The following PIK3R3 variants were observed in gnomAD, a reference collection of about 807,000 sequenced individuals.
PIK3R3 encodes the protein phosphatidylinositol 3-kinase regulatory subunit gamma.
In PIK3R3, 64 loss-of-function variants were observed where a neutral mutation model predicts 62.9. That is an observed-to-expected ratio of 1.02 (90% CI 0.83 to 1.25). The LOEUF is 1.25. Among genes scored for constraint, PIK3R3 ranks in the 50% most tolerant of loss-of-function variants. The pLI is 0.00. For missense variants in PIK3R3, 614 were observed against 561.6 expected (o/e 1.09, Z -0.94); for synonymous variants, 165 against 189.0 (o/e 0.87, Z 1.04).
At chr1:46,157,190 G>C in the PIK3R3 span, among the ~76,000 whole-genome samples, 1 of 152,192 alleles carries the variant, frequency 6.6e-6, no homozygotes. Flanking sequence ...CTGGAGTGCA[G>C]TGGTGTAACC....
intron 5 of PIK3R3, among the ~76,000 whole-genome samples, chr1:46,063,062 T>TACA (rs1398467532): frequency 2.0e-5 from 3 of 152,204 alleles, no homozygotes; most frequent in Non-Finnish European, 4.4e-5. Context: ...ACTCAGAATA[T>TACA]ACAGGTGGAA....
rs115042926 is a variant in PIK3R3 at position 46,113,722 on chromosome 1, A to G, written c.106+18125T>C. On this transcript the variant is annotated intron_variant, in intron 1 of 9. Transcript: ENST00000262741. ...CCCTATTTCATTTATATATTCTTCT[A>G]TTGCTATACTTTGACATTCATTCAA... Among the ~76,000 whole-genome samples, 917 of 152,298 alleles carry G rather than the reference A, an allele frequency of 6.0e-3. 8 individuals are homozygous for G. The highest frequency in any genetic ancestry group is 9.8e-3 in the Non-Finnish European group (665 of 68,018).
At chr1:46,158,958 G>T in the PIK3R3 span, among the ~76,000 whole-genome samples, 1 of 152,018 alleles carries the variant, frequency 6.6e-6, no homozygotes, top group Non-Finnish European at 1.5e-5. Flanking sequence ...GTGGTGGCGC[G>T]TGCCTGCTAT....
At chr1:46,059,592 A>T (rs1228528674) in intron 6 of PIK3R3, among the ~76,000 whole-genome samples, 1 of 151,976 alleles carries the variant, frequency 6.6e-6, no homozygotes, top group Non-Finnish European at 1.5e-5. Context: ...AGCGGGGAGG[A>T]TTGCTTGAGT....
At chr1:46,109,771 C>T (rs1202958683) in intron 1 of PIK3R3, among the ~76,000 whole-genome samples, 1 of 152,174 alleles carries the variant, frequency 6.6e-6, no homozygotes, top group African/African-American at 2.4e-5. Context: ...CGTGAGCTAC[C>T]ACGCCCGACC....
Position 46,072,694 on chromosome 1 carries a change from T to TA in PIK3R3, c.314+4820dup, listed in dbSNP as rs1231086351. Among the ~76,000 whole-genome samples the TA allele has an allele frequency of 1.6e-4, 24 of 152,308 alleles. 1 individual carries two copies. The highest frequency in any genetic ancestry group is 5.8e-4 in the African/African-American group (24 of 41,572). ...AGCTGGGCATGGTGGCTCATGCCTG[T>TA]AATCCCAGGACTGGGGAGGCCAAGG... On this transcript the variant is annotated intron_variant, in intron 3 of 9. Transcript: ENST00000262741.
At chr1:46,045,617 CTTTTTTTTTT>C (rs1031388121) in intron 9 of PIK3R3, among the ~76,000 whole-genome samples, 17 of 21,212 alleles carry the variant, frequency 8.0e-4, no homozygotes, top group South Asian at 1.7e-3. Context: ...CAATTAAGTG[CTTTTTTTTTT>C]TTTTTTTTTT....
chr1:46,132,376 C>T lies in PIK3R3; in HGVS notation c.-424G>A, dbSNP rs1655692280. The stretch of plus-strand genomic sequence containing the variant: ...AAAAAAGAACACGTTGGGAGAAACC[C>T]GGGCAAGTGACAAAGGAAGGCAAAA... On this transcript the variant is annotated 5_prime_UTR_variant, in exon 1 of 10. Coordinates refer to ENST00000262741, the MANE Select transcript of PIK3R3 (RefSeq NM_003629.4). 5.0e-5 allele frequency: 56 copies of T among 1,119,548 alleles called. No individual in the cohort carries two copies. The highest frequency in any genetic ancestry group is 5.8e-5 in the Non-Finnish European group (53 of 907,198). 69.4% of individuals were successfully genotyped at this position (1,119,548 alleles called of 1,614,324 possible).
At chr1:46,167,554 T>A in the PIK3R3 span, among the ~76,000 whole-genome samples, 13 of 151,942 alleles carry the variant, frequency 8.6e-5, no homozygotes, top group African/African-American at 3.1e-4. Context: ...AGCCTGGAGG[T>A]GGTGAGTATA....
intron 6 of PIK3R3, 146 bp downstream of exon 6, chr1:46,061,783 A>T: frequency 1.3e-6 from 1 of 745,694 alleles, no homozygotes; most frequent in Non-Finnish European, 2.3e-6. Flanking sequence ...AGGAAGTTCA[A>T]TTTGGTGCCA....
chr1:46,131,840 C>G lies in PIK3R3; in HGVS notation c.106+7G>C. The G allele has an allele frequency of 1.2e-6, 2 of 1,610,406 alleles. No individual in the cohort carries two copies. Among genetic ancestry groups the G allele is most frequent in the Non-Finnish European group, 1.7e-6 (2 of 1,177,526 alleles). On this transcript the variant is annotated splice_region_variant and intron_variant, in intron 1 of 9. Transcript: ENST00000262741. ...CACGAGATTCTTTTTTTTTTTCTCC[C>G]AAGTACCTGGAGGATCCATTTCAAT...
intron 1 of PIK3R3, among the ~76,000 whole-genome samples, chr1:46,123,530 A>G (rs1654850813): frequency 6.6e-6 from 1 of 152,242 alleles, no homozygotes; most frequent in Non-Finnish European, 1.5e-5. Flanking sequence ...ATTATTTTTG[A>G]AAAGAACAGT....
chr1:46,144,550 G>A, the PIK3R3 span, among the ~76,000 whole-genome samples: 38 of 152,158 alleles, frequency 2.5e-4, no homozygotes, highest in South Asian at 6.2e-4. Flanking sequence ...CGGGCGAATC[G>A]CAAGGTCAAG....
At chr1:46,113,330 T>C (rs1226043260) in intron 1 of PIK3R3, among the ~76,000 whole-genome samples, 1 of 149,342 alleles carries the variant, frequency 6.7e-6, no homozygotes, top group South Asian at 2.1e-4. Context: ...GACAAGGTTA[T>C]GCTCTGTTGC....
chr1:46,102,803 T>A (rs1571502043), intron 1 of PIK3R3, among the ~76,000 whole-genome samples: 2 of 55,766 alleles, frequency 3.6e-5, no homozygotes, highest in Non-Finnish European at 5.9e-5. Context: ...GTATATATCT[T>A]AAAAAAAAAA....
chr1:46,170,966 T>G, the PIK3R3 span, among the ~76,000 whole-genome samples: 1 of 152,380 alleles, frequency 6.6e-6, no homozygotes, highest in Admixed American at 6.5e-5. Flanking sequence ...ATGCTGGAAT[T>G]CTGTGATGCT....
At chr1:46,046,973 CA>C in intron 7 of PIK3R3, 1 of 284,582 alleles carries the variant, frequency 3.5e-6, no homozygotes, top group East Asian at 7.6e-5. Flanking sequence ...CATGGTGTCA[CA>C]TTTGCAATCT....
At chr1:46,080,417 TGA>T (rs895853319) in intron 2 of PIK3R3, among the ~76,000 whole-genome samples, 5 of 151,658 alleles carry the variant, frequency 3.3e-5, no homozygotes, top group African/African-American at 1.2e-4. Flanking sequence ...TCTTTTTTTT[TGA>T]GAGTTGGGGG....
In PIK3R3 at chr1:46,076,383, TAAG is replaced by T. The variant is rs955870370; in HGVS notation, c.314+1129_314+1131del. On this transcript the variant is annotated intron_variant, in intron 3 of 9. Transcript: ENST00000262741. ...AACAGCCAAAACAATAAACTGCTTC[TAAG>T]AAGAAGTGTCTATGACCAATGCTGC... 7.2e-5 allele frequency among the ~76,000 whole-genome samples: 11 copies of T among 152,296 alleles called. No individual in the cohort carries two copies. The South Asian group carries it at 1.2e-3, about 17-fold the overall frequency.
Sources: gnomAD v4.1 joint callset for allele counts (sites outside exome capture counted in the v4.1 genomes callset) on GRCh38, gnomAD v4.1.1 for gene constraint, MANE v1.5 for transcripts, NCBI Gene and HGNC (gene_info 2026-07-23, HGNC 2026-07-21) for gene names.